The following PDLIM5 variants were observed in gnomAD, a reference collection of about 807,000 sequenced individuals.
PDLIM5 encodes PDZ and LIM domain 5.
Under a neutral mutation model 64.2 loss-of-function variants are expected in PDLIM5, and 34 were observed. The ratio of observed to expected loss-of-function variants is 0.53; its 90% CI spans 0.40 to 0.71. The LOEUF is 0.71. Among genes scored for constraint, PDLIM5 ranks in the 30% least tolerant of loss-of-function variants. PDLIM5 has a pLI of 0.00. For missense variants in PDLIM5, 683 were observed against 733.6 expected (o/e 0.93, Z 0.80); for synonymous variants, 253 against 269.1 (o/e 0.94, Z 0.59).
At chr4:94,468,255 C>T (rs915979933) in intron 2 of PDLIM5, among the ~76,000 whole-genome samples, 14 of 152,160 alleles carry the variant, frequency 9.2e-5, no homozygotes, top group African/African-American at 3.4e-4. Flanking sequence ...TGGTCTCAAG[C>T]GATCCTCCTG....
At chr4:94,520,261 G>A (rs1729715992) in intron 2 of PDLIM5, among the ~76,000 whole-genome samples, 1 of 152,174 alleles carries the variant, frequency 6.6e-6, no homozygotes, top group Non-Finnish European at 1.5e-5. Context: ...AGATCAAAAA[G>A]GAAGCATTTG....
intron 3 of PDLIM5, among the ~76,000 whole-genome samples, chr4:94,564,205 A>G (rs1734090613): frequency 6.6e-6 from 1 of 150,930 alleles, no homozygotes; most frequent in Non-Finnish European, 1.5e-5. Flanking sequence ...CTTGTGATCC[A>G]CCCCCCTTGG....
chr4:94,618,094 A>G lies in PDLIM5; in HGVS notation c.1011A>G (p.Arg337=). 6.2e-7 allele frequency: 1 copy of G among 1,611,386 alleles called. No homozygotes were observed. The highest frequency in any genetic ancestry group is 1.1e-5 in the South Asian group (1 of 90,602). Residue 337 remains arginine (R), a synonymous_variant, in exon 8 of 13, where the codon AGA becomes AGG. Coordinates refer to ENST00000317968, the MANE Select transcript of PDLIM5 (RefSeq NM_006457.5). ...GCCTGGACAGCCCAACCTCTGGCAG[A>G]CCAGGGGTTACCAGCCTCACAGCTG... is the stretch of plus-strand genomic sequence containing the variant. The part of the protein sequence containing the change: ...PESLDSPTSG[R]PGVTSLTAAA...
At chr4:94,550,237 A>G (rs1732693848) in intron 3 of PDLIM5, among the ~76,000 whole-genome samples, 1 of 152,140 alleles carries the variant, frequency 6.6e-6, no homozygotes, top group Non-Finnish European at 1.5e-5. Context: ...ATGATTGCAT[A>G]TGGATTATTT....
rs1231249749 is a variant in PDLIM5 at position 94,452,266 on chromosome 4, AC to A, written c.-43+273del. ...CCTGGGGTCCCCGCAGCCCGGGCCG[AC>A]CGGGACCAGCGTAGCGGAGACGGGG... On this transcript the variant is annotated intron_variant, in intron 1 of 12. Transcript: ENST00000317968. Among the ~76,000 whole-genome samples, 16 of 152,222 alleles carry A rather than the reference AC, an allele frequency of 1.1e-4. No homozygotes were observed. In the East Asian group the frequency reaches 2.9e-3, roughly 28 times the overall value.
At chr4:94,644,551 A>T (rs1741254225) in intron 9 of PDLIM5, among the ~76,000 whole-genome samples, 1 of 148,394 alleles carries the variant, frequency 6.7e-6, no homozygotes, top group Non-Finnish European at 1.5e-5. Context: ...TTTGAGATGG[A>T]ATCTCCCTCT....
At chr4:94,580,617 C>G (rs1735651991) in intron 5 of PDLIM5, among the ~76,000 whole-genome samples, 2 of 151,836 alleles carry the variant, frequency 1.3e-5, no homozygotes, top group East Asian at 1.9e-4. Context: ...TTTTTTAATT[C>G]AAGATTAAGA....
Position 94,643,809 on chromosome 4 carries a change from C to T in PDLIM5, c.1283+3359C>T, listed in dbSNP as rs548576845. Among the ~76,000 whole-genome samples the T allele has an allele frequency of 2.0e-5, 3 of 152,274 alleles. No individual in the cohort carries two copies. In the East Asian group the frequency reaches 5.8e-4, roughly 29 times the overall value. On this transcript the variant is annotated intron_variant, in intron 9 of 12. Transcript: ENST00000317968. Reference sequence around the variant, plus strand: ...TTTGCTCAGTGATTTTCAAACCTCTCTCATAAGGAGCACCATCTCAGTTTA... The same window carrying T: ...TTTGCTCAGTGATTTTCAAACCTCTTTCATAAGGAGCACCATCTCAGTTTA...
rs1292048031 is a variant in PDLIM5, at chr4:94,585,644, C to T, written c.790C>T (p.Leu264=). 6.2e-7 allele frequency: 1 copy of T among 1,612,594 alleles called. No homozygotes were observed. Among genetic ancestry groups the T allele is most frequent in the Non-Finnish European group, 8.5e-7 (1 of 1,179,254 alleles). ...PTHSDASKKR[L]IEDTEDWRPR... is the part of the protein sequence containing the mutation. ...TCACAGTGATGCCAGCAAGAAGAGA[C>T]TGATTGAGGATACTGAAGACTGGCG... is the stretch of plus-strand genomic sequence containing the variant. The change falls in exon 6 of 13, where the codon CTG becomes TTG. Residue 264 remains leucine, a synonymous_variant. Transcript: ENST00000317968.
intron 2 of PDLIM5, among the ~76,000 whole-genome samples, chr4:94,484,440 G>A (rs565672251): frequency 3.4e-4 from 52 of 152,256 alleles, no homozygotes; most frequent in Middle Eastern, 3.4e-3. Flanking sequence ...AATTTACTTT[G>A]CGTGGATCAC....
intron 3 of PDLIM5, among the ~76,000 whole-genome samples, chr4:94,564,352 T>C (rs1359630847): frequency 6.6e-6 from 1 of 152,212 alleles, no homozygotes; most frequent in African/African-American, 2.4e-5. Flanking sequence ...CAGCCATCTC[T>C]GCAGCTTTAT....
chr4:94,657,608 T>C lies in PDLIM5; in HGVS notation c.1585+61T>C, dbSNP rs530738488. ...AATAAAGGTAAAACATTAACCCTTA[T>C]ATTACTATAAAGCTCAAGAAAATAT... On this transcript the variant is annotated intron_variant, in intron 11 of 12. Transcript: ENST00000317968. The C allele has an allele frequency of 3.4e-4, 430 of 1,279,382 alleles. 1 individual carries two copies. The highest frequency in any genetic ancestry group is 1.2e-3 in the South Asian group (90 of 73,628). The allele number at this position is 1,279,382 out of a possible 1,614,324, so 79.3% of individuals were successfully genotyped here. A position where few individuals can be genotyped will look rare whatever the true frequency, so the allele number is the denominator to read the frequency against.
intron 7 of PDLIM5, among the ~76,000 whole-genome samples, chr4:94,591,785 G>T (rs1007960871): frequency 6.6e-6 from 1 of 152,212 alleles, no homozygotes; most frequent in African/African-American, 2.4e-5. Context: ...CTTCACGGTT[G>T]TTGACCCTAG....
chr4:94,615,179 A>G (rs1738679231), intron 7 of PDLIM5, among the ~76,000 whole-genome samples: 1 of 152,172 alleles, frequency 6.6e-6, no homozygotes, highest in African/African-American at 2.4e-5. Flanking sequence ...TACCAAGTTT[A>G]AATAATTTAC....
intron 7 of PDLIM5, chr4:94,587,538 TA>T: frequency 1.1e-6 from 1 of 906,672 alleles, no homozygotes; most frequent in Non-Finnish European, 1.3e-6. Flanking sequence ...AAGTTGATTG[TA>T]AATTATTCTA....
At chr4:94,595,242 A>C (rs1371389679) in intron 7 of PDLIM5, among the ~76,000 whole-genome samples, 1 of 152,238 alleles carries the variant, frequency 6.6e-6, no homozygotes, top group East Asian at 1.9e-4. Context: ...GTGGGGACAC[A>C]GAGCCAAACC....
chr4:94,527,035 T>C (rs1578311542), intron 3 of PDLIM5, among the ~76,000 whole-genome samples: 1 of 137,504 alleles, frequency 7.3e-6, no homozygotes, highest in East Asian at 2.3e-4. Flanking sequence ...GCGCCCGGCC[T>C]GAACAGCATT....
intron 7 of PDLIM5, among the ~76,000 whole-genome samples, chr4:94,604,566 G>A (rs375258465): frequency 2.0e-5 from 3 of 152,270 alleles, no homozygotes; most frequent in East Asian, 3.9e-4. Flanking sequence ...CCAGGGAGGT[G>A]GAGGTTGCAG....
At chr4:94,561,332 A>G (rs1733827958) in intron 3 of PDLIM5, among the ~76,000 whole-genome samples, 1 of 152,188 alleles carries the variant, frequency 6.6e-6, no homozygotes, top group Non-Finnish European at 1.5e-5. Flanking sequence ...TATTCCAGTT[A>G]GACAATGCTA....
Sources: allele counts gnomAD v4.1 joint callset (sites outside exome capture counted in the v4.1 genomes callset), GRCh38; gene constraint gnomAD v4.1.1; transcripts MANE v1.5; gene names NCBI Gene and HGNC (gene_info 2026-07-23, HGNC 2026-07-21).